GALNT14: variants seen among roughly 807,000 people sequenced by gnomAD.
GALNT14 encodes the protein UDP-GalNAc:polypeptide N-acetylgalactosaminyltransferase 14.
GALNT14 carries 60 observed loss-of-function variants against 77.5 expected under a neutral mutation model. The observed-to-expected ratio is 0.77, with a 90% CI of 0.63 to 0.96. GALNT14 has a LOEUF of 0.96. GALNT14 is among the 40% of genes least tolerant of loss of function. GALNT14 has a pLI of 0.00. For missense variants in GALNT14, 710 were observed against 731.0 expected (o/e 0.97, Z 0.33); for synonymous variants, 280 against 281.7 (o/e 0.99, Z 0.06).
At chr2:31,046,178 A>G (rs1673442911) in intron 1 of GALNT14, among the ~76,000 whole-genome samples, 1 of 152,062 alleles carries the variant, frequency 6.6e-6, no homozygotes, top group Admixed American at 6.5e-5. Flanking sequence ...GTGCTGAAGT[A>G]TCAGATATGG....
intron 1 of GALNT14, among the ~76,000 whole-genome samples, chr2:31,006,716 C>T (rs1184765599): frequency 6.6e-6 from 1 of 152,184 alleles, no homozygotes; most frequent in Admixed American, 6.6e-5. Context: ...TATTCTGGAA[C>T]CCCCTTCCTT....
chr2:30,927,899 G>A (rs1176077382), intron 11 of GALNT14, among the ~76,000 whole-genome samples: 1 of 152,180 alleles, frequency 6.6e-6, no homozygotes, highest in East Asian at 1.9e-4. Context: ...CAGCCTGTGT[G>A]CACAGGAGGA....
chr2:31,092,127 A>T (rs1676775383), intron 1 of GALNT14, among the ~76,000 whole-genome samples: 1 of 152,112 alleles, frequency 6.6e-6, no homozygotes, highest in African/African-American at 2.4e-5. Flanking sequence ...CATAGACTGA[A>T]GCTTGCACCG....
intron 1 of GALNT14, among the ~76,000 whole-genome samples, chr2:31,075,159 C>T (rs1187259617): frequency 1.3e-5 from 2 of 152,258 alleles, no homozygotes; most frequent in East Asian, 1.9e-4. Context: ...TCTCTTTGCT[C>T]CTGCTCTGTG....
chr2:30,939,218 A>T (rs995538973), intron 9 of GALNT14, among the ~76,000 whole-genome samples: 3 of 152,192 alleles, frequency 2.0e-5, no homozygotes, highest in Non-Finnish European at 4.4e-5. Context: ...GGCTCAGTGC[A>T]GTGATGAAGA....
chr2:30,903,283 C>T, the GALNT14 span, among the ~76,000 whole-genome samples: 3 of 152,232 alleles, frequency 2.0e-5, no homozygotes, highest in African/African-American at 7.2e-5. Context: ...TATAACAGTT[C>T]CTGTGGTTGG....
In GALNT14 at chr2:31,090,418, C is replaced by T. The variant is rs567011394; in HGVS notation, c.129+47540G>A. ...AGACGTTAACAGCACAGGTAGGCAG[C>T]GCATCTGACGCACCTGGAGAAAGCT... On this transcript the variant is annotated intron_variant, in intron 1 of 14. Coordinates refer to ENST00000349752, the MANE Select transcript of GALNT14 (RefSeq NM_024572.4). 1.9e-4 allele frequency among the ~76,000 whole-genome samples: 28 copies of T among 150,896 alleles called. No homozygotes were observed. The South Asian group carries it at 5.5e-3, about 30-fold the overall frequency.
chr2:30,904,689 C>T, the GALNT14 span, among the ~76,000 whole-genome samples: 1 of 152,256 alleles, frequency 6.6e-6, no homozygotes, highest in Non-Finnish European at 1.5e-5. Flanking sequence ...CCAGGAAGCT[C>T]GAACTGGGCG....
At chr2:31,031,006 A>G (rs774771080) in intron 1 of GALNT14, among the ~76,000 whole-genome samples, 1 of 152,242 alleles carries the variant, frequency 6.6e-6, no homozygotes, top group Non-Finnish European at 1.5e-5. Context: ...GAGAAAGCGC[A>G]TGTGTGTAGT....
intron 2 of GALNT14, among the ~76,000 whole-genome samples, chr2:30,988,318 CTG>C (rs1669446884): frequency 6.6e-6 from 1 of 152,216 alleles, no homozygotes; most frequent in African/African-American, 2.4e-5. Flanking sequence ...GGGGCAAAGA[CTG>C]TATCAATATG....
At chr2:31,084,513 C>T (rs1192637614) in intron 1 of GALNT14, among the ~76,000 whole-genome samples, 1 of 152,166 alleles carries the variant, frequency 6.6e-6, no homozygotes, top group Non-Finnish European at 1.5e-5. Context: ...GACTTTAGTG[C>T]CCTGAGGTGA....
At chr2:30,999,788 T>C (rs72855268) in intron 1 of GALNT14, among the ~76,000 whole-genome samples, 7,101 of 152,302 alleles carry the variant, frequency 0.047, 552 homozygotes, top group African/African-American at 0.16. Flanking sequence ...CACCAGATCA[T>C]ATTTCCATGG....
chr2:30,905,144 A>C, the GALNT14 span, among the ~76,000 whole-genome samples: 2 of 152,064 alleles, frequency 1.3e-5, no homozygotes, highest in African/African-American at 4.8e-5. Context: ...AACTCTAAAA[A>C]GCAGAGCGCC....
intron 1 of GALNT14, among the ~76,000 whole-genome samples, chr2:31,100,314 T>C (rs1271243650): frequency 6.6e-6 from 1 of 152,056 alleles, no homozygotes; most frequent in Non-Finnish European, 1.5e-5. Flanking sequence ...TTGCTTAAAG[T>C]TGCAGTTTCC....
intron 2 of GALNT14, among the ~76,000 whole-genome samples, chr2:30,986,006 C>T (rs922537070): frequency 5.9e-5 from 9 of 152,150 alleles, no homozygotes; most frequent in African/African-American, 7.2e-5. Context: ...CCATTCCAAC[C>T]GAGTAAATAG....
intron 1 of GALNT14, among the ~76,000 whole-genome samples, chr2:31,041,261 T>C (rs1200110672): frequency 6.6e-6 from 1 of 151,938 alleles, no homozygotes; most frequent in Non-Finnish European, 1.5e-5. Context: ...GAGGAAGATA[T>C]GAGAAGGGGA....
chr2:30,968,837 T>G (rs1234565774), intron 2 of GALNT14, among the ~76,000 whole-genome samples: 1 of 152,200 alleles, frequency 6.6e-6, no homozygotes, highest in East Asian at 1.9e-4. Flanking sequence ...GAGAATGCCT[T>G]GAAACAGCTC....
intron 1 of GALNT14, chr2:31,132,567 A>T: frequency 5.2e-6 from 2 of 384,080 alleles, no homozygotes; most frequent in South Asian, 4.0e-5. Flanking sequence ...TGCCAGAGTC[A>T]CACTGAAATT....
At chr2:31,041,277 A>C (rs1481365541) in intron 1 of GALNT14, among the ~76,000 whole-genome samples, 1 of 152,180 alleles carries the variant, frequency 6.6e-6, no homozygotes, top group Admixed American at 6.5e-5. Flanking sequence ...GGGGAATAAT[A>C]ATATGCCAGA....
Sources: allele counts gnomAD v4.1 joint callset (sites outside exome capture counted in the v4.1 genomes callset), GRCh38; gene constraint gnomAD v4.1.1; transcripts MANE v1.5; gene names NCBI Gene and HGNC (gene_info 2026-07-23, HGNC 2026-07-21).